Variants in SPOCK1 observed in about 807,000 individuals in gnomAD.
The protein encoded by SPOCK1 is testican-1.
In SPOCK1, 23 loss-of-function variants were observed where a neutral mutation model predicts 55.3. The ratio of observed to expected loss-of-function variants is 0.42; its 90% CI spans 0.30 to 0.59. SPOCK1 has a LOEUF of 0.59. SPOCK1 is among the 20% of genes least tolerant of loss of function. SPOCK1 has a pLI of 0.22. For missense variants in SPOCK1, 499 were observed against 552.5 expected (o/e 0.90, Z 0.97); for synonymous variants, 226 against 221.0 (o/e 1.02, Z -0.20).
intron 3 of SPOCK1, among the ~76,000 whole-genome samples, chr5:137,211,006 C>A (rs977484721): frequency 6.6e-6 from 1 of 152,210 alleles, no homozygotes; most frequent in African/African-American, 2.4e-5. Flanking sequence ...GCAGCCAACA[C>A]ACCAGCAGCA....
At chr5:137,039,028 T>C (rs1376388339) in intron 6 of SPOCK1, among the ~76,000 whole-genome samples, 1 of 152,130 alleles carries the variant, frequency 6.6e-6, no homozygotes, top group Non-Finnish European at 1.5e-5. Context: ...ACAGTGTAGA[T>C]GATGATGATC....
At chr5:137,289,946 C>T (rs905271092) in intron 2 of SPOCK1, among the ~76,000 whole-genome samples, 19 of 151,988 alleles carry the variant, frequency 1.3e-4, no homozygotes, top group African/African-American at 4.1e-4. Context: ...ATGGCCATAC[C>T]GAGCATAAGA....
chr5:137,039,173 G>T (rs966248314), intron 6 of SPOCK1, among the ~76,000 whole-genome samples: 1 of 151,330 alleles, frequency 6.6e-6, no homozygotes, highest in African/African-American at 2.4e-5. Context: ...TCCAATGAAG[G>T]CATGAATTCA....
At chr5:137,165,967 C>T (rs1836299) in intron 3 of SPOCK1, among the ~76,000 whole-genome samples, 2 of 151,864 alleles carry the variant, frequency 1.3e-5, no homozygotes, top group African/African-American at 2.4e-5. Flanking sequence ...TTAAAGAGGA[C>T]GTAGAGAAAG....
At chr5:137,413,528 C>A (rs1311230218) in intron 2 of SPOCK1, among the ~76,000 whole-genome samples, 1 of 152,150 alleles carries the variant, frequency 6.6e-6, no homozygotes, top group African/African-American at 2.4e-5. Flanking sequence ...CTGATCTTGT[C>A]CTGCCTTCCT....
chr5:137,044,505 T>G (rs1479983120), intron 6 of SPOCK1, among the ~76,000 whole-genome samples: 2 of 152,208 alleles, frequency 1.3e-5, no homozygotes, highest in Non-Finnish European at 2.9e-5. Flanking sequence ...GAATTTGAAT[T>G]TTAAAAGGCG....
intron 4 of SPOCK1, among the ~76,000 whole-genome samples, chr5:137,138,683 A>T: frequency 6.8e-6 from 1 of 147,686 alleles, no homozygotes; most frequent in Non-Finnish European, 1.5e-5. Context: ...TATACCTTAA[A>T]AGGAACTTCA....
chr5:137,138,971 T>A (rs1479187157), intron 4 of SPOCK1, among the ~76,000 whole-genome samples: 1 of 152,164 alleles, frequency 6.6e-6, no homozygotes, highest in Non-Finnish European at 1.5e-5. Flanking sequence ...AACAAATTAC[T>A]AATGCCTCAC....
chr5:137,368,220 A>G (rs1197202075), intron 2 of SPOCK1, among the ~76,000 whole-genome samples: 1 of 152,242 alleles, frequency 6.6e-6, no homozygotes, highest in Non-Finnish European at 1.5e-5. Flanking sequence ...AGTTGTTTCC[A>G]GGCATGAACA....
At chr5:137,186,284 A>T (rs562070617) in intron 3 of SPOCK1, among the ~76,000 whole-genome samples, 54 of 152,330 alleles carry the variant, frequency 3.5e-4, no homozygotes, top group African/African-American at 1.2e-3. Context: ...GATCACAGAG[A>T]TATGCTAAGT....
chr5:137,097,719 T>C (rs535108838), intron 5 of SPOCK1, among the ~76,000 whole-genome samples: 1 of 152,306 alleles, frequency 6.6e-6, no homozygotes, highest in East Asian at 1.9e-4. Context: ...AACCCGAACC[T>C]GCTGTGGCCT....
chr5:137,192,687 A>C (rs567764267), intron 3 of SPOCK1, among the ~76,000 whole-genome samples: 3 of 152,354 alleles, frequency 2.0e-5, no homozygotes, highest in African/African-American at 7.2e-5. Context: ...CAACAGAAAG[A>C]TGGACAAATA....
chr5:137,390,689 A>G (rs1448667385), intron 2 of SPOCK1, among the ~76,000 whole-genome samples: 1 of 152,184 alleles, frequency 6.6e-6, no homozygotes, highest in Non-Finnish European at 1.5e-5. Context: ...GCACATTAAC[A>G]TGGCCTGTCT....
At chr5:137,264,925 G>A (rs1336824130) in intron 3 of SPOCK1, among the ~76,000 whole-genome samples, 3 of 152,138 alleles carry the variant, frequency 2.0e-5, no homozygotes, top group Non-Finnish European at 2.9e-5. Context: ...TACCCCTGAG[G>A]TACAAAGTGG....
At chr5:137,489,026 T>G (rs1002989288) in intron 2 of SPOCK1, among the ~76,000 whole-genome samples, 4 of 152,220 alleles carry the variant, frequency 2.6e-5, no homozygotes, top group Non-Finnish European at 5.9e-5. Context: ...AACTTGGATC[T>G]TAGCATTATC....
At chr5:137,433,471 T>C (rs1752792475) in intron 2 of SPOCK1, among the ~76,000 whole-genome samples, 1 of 152,204 alleles carries the variant, frequency 6.6e-6, no homozygotes, top group South Asian at 2.1e-4. Flanking sequence ...AATTCAATCA[T>C]TGACCAGCAG....
intron 4 of SPOCK1, 80 bp downstream of exon 4, chr5:137,140,500 C>T: frequency 8.3e-7 from 1 of 1,198,484 alleles, no homozygotes; most frequent in Non-Finnish European, 1.2e-6. Flanking sequence ...CCCATATCCC[C>T]ACGTCAAAGA....
At chr5:136,980,210 G>A (rs574680209) in intron 9 of SPOCK1, among the ~76,000 whole-genome samples, 1 of 150,312 alleles carries the variant, frequency 6.7e-6, no homozygotes, top group East Asian at 1.9e-4. Flanking sequence ...TGATAAACTG[G>A]AGTTAATTTG....
chr5:137,129,540 G>T (rs1753835839), intron 4 of SPOCK1, among the ~76,000 whole-genome samples: 1 of 152,134 alleles, frequency 6.6e-6, no homozygotes, highest in Admixed American at 6.6e-5. Flanking sequence ...GGGTGCCACT[G>T]ATTGGTGGGG....
Sources: gnomAD v4.1 joint callset for allele counts (sites outside exome capture counted in the v4.1 genomes callset) on GRCh38, gnomAD v4.1.1 for gene constraint, MANE v1.5 for transcripts, NCBI Gene and HGNC (gene_info 2026-07-23, HGNC 2026-07-21) for gene names.